NDRG2: variants seen among roughly 807,000 people sequenced by gnomAD.
NDRG2 encodes protein NDRG2.
In NDRG2, 34 loss-of-function variants were observed where a neutral mutation model predicts 58.2. The ratio of observed to expected loss-of-function variants is 0.58; its 90% confidence interval spans 0.44 to 0.78. The LOEUF is 0.78. NDRG2 is among the 30% of genes least tolerant of loss of function. The pLI is 0.00. For missense variants in NDRG2, 434 were observed against 471.2 expected (o/e 0.92, Z 0.73); for synonymous variants, 187 against 175.9 (o/e 1.06, Z -0.50).
At chr14:21,022,334 T>A in intron 4 of NDRG2, 58 bp downstream of exon 4, 1 of 1,581,678 alleles carries the variant, frequency 6.3e-7, no homozygotes, top group Non-Finnish European at 8.7e-7. Flanking sequence ...GTTTCATTTC[T>A]ACCCTTCCCC....
At chr14:21,027,150 T>C (rs1248432410), upstream of NDRG2, among the ~76,000 whole-genome samples, 2 of 152,168 alleles carry the variant, frequency 1.3e-5, no homozygotes, top group African/African-American at 4.8e-5. Context: ...TTCCTAGACC[T>C]TGGGGTCCCA....
At chr14:21,046,143 T>C (rs1231693185) in intron 1 of NDRG2, among the ~76,000 whole-genome samples, 2 of 152,214 alleles carry the variant, frequency 1.3e-5, no homozygotes, top group Non-Finnish European at 2.9e-5. Context: ...ATAGATAGAA[T>C]TATGATATAA....
intron 12 of NDRG2, 57 bp downstream of exon 12, chr14:21,018,706 C>T: frequency 6.2e-7 from 1 of 1,610,952 alleles, no homozygotes; most frequent in Middle Eastern, 1.7e-4. Context: ...ACTCTTCTGA[C>T]CACCACTTTA....
At chr14:21,039,562 G>T (rs1168609533) in intron 1 of NDRG2, among the ~76,000 whole-genome samples, 1 of 152,144 alleles carries the variant, frequency 6.6e-6, no homozygotes, top group East Asian at 1.9e-4. Flanking sequence ...CCCCATGAAT[G>T]CAGTGAAGCC....
intron 1 of NDRG2, among the ~76,000 whole-genome samples, chr14:21,050,441 C>T (rs1273383096): frequency 6.6e-6 from 1 of 152,150 alleles, no homozygotes; most frequent in African/African-American, 2.4e-5. Flanking sequence ...TGAGATATCC[C>T]AAGCATTTAT....
In NDRG2 at chr14:21,017,695, A is replaced by G; in HGVS notation, c.1017T>C (p.Val339=). The change falls in exon 16 of 16, where the codon GTT becomes GTC. Residue 339 remains valine (V), a synonymous_variant. Transcript: ENST00000556147. ...TGCGAGAGCGGGACCGGTTGCCATC[A>G]ACGGATGCTGCACTGGTCAGAGAGG... The part of the protein sequence containing the change: ...RTASLTSAAS[V]DGNRSRSRTL... The G allele has an allele frequency of 6.2e-7, 1 of 1,608,988 alleles. No individual in the cohort carries two copies. The highest frequency in any genetic ancestry group is 8.5e-7 in the Non-Finnish European group (1 of 1,177,590).
At chr14:21,031,652 A>G (rs1029735010) in intron 1 of NDRG2, among the ~76,000 whole-genome samples, 1 of 150,932 alleles carries the variant, frequency 6.6e-6, no homozygotes, top group East Asian at 2.0e-4. Flanking sequence ...CAAAAAACCT[A>G]CCCTCCCTCT....
At chr14:21,021,910 C>A in intron 5 of NDRG2, 31 bp from the exon 6 acceptor site, 1 of 1,611,546 alleles carries the variant, frequency 6.2e-7, no homozygotes. Context: ...AAGGAAGATA[C>A]CAACCTGCCC....
chr14:21,024,183 T>G lies in NDRG2; in HGVS notation c.-160A>C. 1.0e-6 allele frequency: 1 copy of G among 985,346 alleles called. No individual in the cohort carries two copies. Among genetic ancestry groups the G allele is most frequent in the Non-Finnish European group, 1.2e-6 (1 of 829,936 alleles). 61.0% of individuals were successfully genotyped at this position (985,346 alleles called of 1,614,324 possible). On this transcript the variant is annotated 5_prime_UTR_variant, in exon 1 of 16. Transcript: ENST00000556147. ...GGAAAGCCTCAGCCAAGACCCAGAC[T>G]CCCAGGGTCATCAACCTCCTCGGGT...
chr14:21,051,840 AG>A (rs1216738263), intron 1 of NDRG2, among the ~76,000 whole-genome samples: 1 of 152,202 alleles, frequency 6.6e-6, no homozygotes, highest in South Asian at 2.1e-4. Flanking sequence ...TGGCACTTGT[AG>A]TTCAAAGACG....
rs756858737 is a variant in NDRG2 at position 21,020,840 on chromosome 14, A to C, written c.412T>G (p.Ser138Ala). The C allele has an allele frequency of 6.2e-7, 1 of 1,613,350 alleles. No individual in the cohort carries two copies. Among genetic ancestry groups the C allele is most frequent in the African/African-American group, 1.3e-5 (1 of 74,924 alleles). Residue 138 changes from serine to alanine, a missense_variant, in exon 7 of 16, where the codon TCT (serine) becomes GCT (alanine). Transcript: ENST00000556147. ...IPCVLQYLNF[S>A]TIIGVGVGAG... is the part of the protein sequence containing the mutation. ...CCAACACCAACTCCAATTATTGTAG[A>C]GAAACTGTGAAAGGGAAAGAAATAT... is the stretch of plus-strand genomic sequence containing the variant.
At chr14:21,069,976 G>A (rs962933475) in intron 1 of NDRG2, among the ~76,000 whole-genome samples, 2 of 152,208 alleles carry the variant, frequency 1.3e-5, no homozygotes, top group East Asian at 1.9e-4. Context: ...CTGATCCCGC[G>A]GGGAGCGAGG....
At chr14:21,043,393 G>C in intron 1 of NDRG2, 1 of 1,613,496 alleles carries the variant, frequency 6.2e-7, no homozygotes, top group Non-Finnish European at 8.5e-7. Flanking sequence ...GTAGTGGCCT[G>C]TAAGCCTCCC....
At chr14:21,035,275 C>G (rs372895231) in intron 1 of NDRG2, among the ~76,000 whole-genome samples, 11 of 152,366 alleles carry the variant, frequency 7.2e-5, no homozygotes, top group African/African-American at 2.4e-4. Context: ...CATGCTGACT[C>G]TGAAGCCTCA....
At chr14:21,018,318 C>G in intron 13 of NDRG2, 79 bp from the exon 14 acceptor site, 1 of 1,606,684 alleles carries the variant, frequency 6.2e-7, no homozygotes, top group Non-Finnish European at 8.5e-7. Flanking sequence ...GGTCTCTCTT[C>G]CCTAGCTTCT....
At chr14:21,044,222 C>G (rs1434746174) in intron 1 of NDRG2, 1 of 166,408 alleles carries the variant, frequency 6.0e-6, no homozygotes, top group Non-Finnish European at 1.5e-5. Flanking sequence ...AGGTCATTAC[C>G]TCTCTAGCCA....
chr14:21,034,938 T>C (rs987158022), intron 1 of NDRG2, among the ~76,000 whole-genome samples: 2 of 152,246 alleles, frequency 1.3e-5, no homozygotes, highest in Non-Finnish European at 2.9e-5. Flanking sequence ...AGTTCCTAAG[T>C]GCCTGGGCTT....
At chr14:21,032,857 T>A (rs1176883423) in intron 1 of NDRG2, 1 of 438,242 alleles carries the variant, frequency 2.3e-6, no homozygotes, top group African/African-American at 2.0e-5. Context: ...GATTATGGGT[T>A]GACAGGAAGT....
At chr14:21,025,848 T>A, upstream of NDRG2, 1 of 190,476 alleles carries the variant, frequency 5.3e-6, no homozygotes, top group Non-Finnish European at 8.9e-6. The surrounding 1 kb of genome is among the most constrained non-coding windows in gnomAD (Gnocchi z 5.1). Flanking sequence ...CTGGGGTCAA[T>A]GCCTCAAGGG....
Sources: gnomAD v4.1 joint callset for allele counts (sites outside exome capture counted in the v4.1 genomes callset) on GRCh38, gnomAD v4.1.1 for gene constraint, Gnocchi (gnomAD v3.1) non-coding constraint, MANE v1.5 for transcripts, NCBI Gene and HGNC (gene_info 2026-07-23, HGNC 2026-07-21) for gene names.